MARCHF11: variants seen among roughly 807,000 people sequenced by gnomAD.
The protein encoded by MARCHF11 is membrane associated ring-CH-type finger 11.
In MARCHF11, 29 loss-of-function variants were observed where a neutral mutation model predicts 37.3. That is an observed-to-expected ratio of 0.78 (90% confidence interval 0.58 to 1.06). MARCHF11 has a LOEUF of 1.06. MARCHF11 is among the 50% of genes least tolerant of loss of function. MARCHF11 has a pLI of 0.00. For synonymous variants in MARCHF11, 233 were observed against 228.0 expected (o/e 1.02, Z -0.20); for missense variants, 482 against 533.4 (o/e 0.90, Z 0.95).
chr5:16,074,423 C>T (rs1736482120), intron 3 of MARCHF11, among the ~76,000 whole-genome samples: 1 of 152,068 alleles, frequency 6.6e-6, no homozygotes, highest in Non-Finnish European at 1.5e-5. Context: ...CTAAATGAAA[C>T]TGAAACAAAA....
At chr5:16,171,249 TC>T (rs1738258006) in intron 2 of MARCHF11, among the ~76,000 whole-genome samples, 2 of 113,220 alleles carry the variant, frequency 1.8e-5, no homozygotes, top group African/African-American at 3.3e-5. Context: ...ATGCTATCCC[TC>T]CCCCCTCCCC....
chr5:16,147,201 G>A (rs1737813261), intron 2 of MARCHF11, among the ~76,000 whole-genome samples: 1 of 152,126 alleles, frequency 6.6e-6, no homozygotes, highest in Admixed American at 6.6e-5. Flanking sequence ...AACACCTTGA[G>A]AATCAGTGCT....
intron 3 of MARCHF11, among the ~76,000 whole-genome samples, chr5:16,076,169 G>A (rs1441618336): frequency 6.6e-6 from 1 of 152,148 alleles, no homozygotes; most frequent in Admixed American, 6.5e-5. Flanking sequence ...CTTGTAGATG[G>A]GAGTATCTCC....
intron 2 of MARCHF11, among the ~76,000 whole-genome samples, chr5:16,125,073 C>T (rs182173377): frequency 6.6e-6 from 1 of 151,512 alleles, no homozygotes; most frequent in Non-Finnish European, 1.5e-5. Flanking sequence ...TCTGAGGTTT[C>T]TTCGCAAGAA....
At chr5:16,116,138 G>C (rs1251365621) in intron 2 of MARCHF11, among the ~76,000 whole-genome samples, 1 of 152,052 alleles carries the variant, frequency 6.6e-6, no homozygotes, top group African/African-American at 2.4e-5. Flanking sequence ...TGCTCTTTTT[G>C]TTTACCAAAT....
intron 2 of MARCHF11, among the ~76,000 whole-genome samples, chr5:16,169,101 A>C (rs913602910): frequency 1.3e-5 from 2 of 152,110 alleles, no homozygotes; most frequent in African/African-American, 4.8e-5. Context: ...AAGCCCGTGT[A>C]AGTGTTCTGA....
chr5:16,093,178 A>G (rs1193971541), intron 2 of MARCHF11, among the ~76,000 whole-genome samples: 1 of 152,196 alleles, frequency 6.6e-6, no homozygotes, highest in African/African-American at 2.4e-5. Context: ...GGTGGGCCGC[A>G]TGTTCGAAAT....
At chr5:16,140,792 GAGAAA>G in intron 2 of MARCHF11, among the ~76,000 whole-genome samples, 1 of 152,258 alleles carries the variant, frequency 6.6e-6, no homozygotes, top group South Asian at 2.1e-4. Context: ...AGTACAAGGA[GAGAAA>G]TATTTTCTCC....
intron 3 of MARCHF11, among the ~76,000 whole-genome samples, chr5:16,074,465 C>A (rs1736483431): frequency 6.6e-6 from 1 of 152,204 alleles, no homozygotes; most frequent in African/African-American, 2.4e-5. Context: ...AAAAGCAGGT[C>A]CTTTGAAAAG....
At chr5:16,100,512 A>G (rs1247790115) in intron 2 of MARCHF11, among the ~76,000 whole-genome samples, 2 of 152,208 alleles carry the variant, frequency 1.3e-5, no homozygotes, top group African/African-American at 4.8e-5. Context: ...CGACCAGTAG[A>G]GCCCAGTGAT....
chr5:16,134,219 A>G (rs998300068), intron 2 of MARCHF11, among the ~76,000 whole-genome samples: 2 of 152,174 alleles, frequency 1.3e-5, no homozygotes, highest in Non-Finnish European at 2.9e-5. Context: ...ATCTCCTATT[A>G]TATATTGCTG....
chr5:16,166,858 G>A (rs1323770363), intron 2 of MARCHF11, among the ~76,000 whole-genome samples: 2 of 151,144 alleles, frequency 1.3e-5, no homozygotes, highest in Non-Finnish European at 2.9e-5. Context: ...CAGTATATTT[G>A]TCAGGTTTCA....
chr5:16,137,740 T>G (rs1737631076), intron 2 of MARCHF11, among the ~76,000 whole-genome samples: 1 of 152,136 alleles, frequency 6.6e-6, no homozygotes, highest in African/African-American at 2.4e-5. Context: ...CAGAGGGAGA[T>G]GAGGAACTTA....
chr5:16,132,609 A>G (rs1269999759), intron 2 of MARCHF11, among the ~76,000 whole-genome samples: 1 of 152,228 alleles, frequency 6.6e-6, no homozygotes, highest in African/African-American at 2.4e-5. Flanking sequence ...GATGATTTAC[A>G]TACAAAGTGC....
At chr5:16,142,210 T>C (rs901217615) in intron 2 of MARCHF11, among the ~76,000 whole-genome samples, 3 of 152,198 alleles carry the variant, frequency 2.0e-5, no homozygotes, top group Non-Finnish European at 4.4e-5. Flanking sequence ...AAGGTTGCAC[T>C]TATCATGTTT....
intron 2 of MARCHF11, among the ~76,000 whole-genome samples, chr5:16,148,268 C>A (rs1213695805): frequency 6.6e-6 from 1 of 151,994 alleles, no homozygotes; most frequent in African/African-American, 2.4e-5. Flanking sequence ...AAAAAAAGTA[C>A]CTATAATGTG....
At chr5:16,078,551 A>G (rs1488214721) in intron 3 of MARCHF11, among the ~76,000 whole-genome samples, 3 of 152,156 alleles carry the variant, frequency 2.0e-5, no homozygotes, top group Admixed American at 1.3e-4. Flanking sequence ...AGTGTTCTGC[A>G]TGGAAGCATC....
chr5:16,150,830 A>G (rs569001633), intron 2 of MARCHF11, among the ~76,000 whole-genome samples: 1 of 152,146 alleles, frequency 6.6e-6, no homozygotes, highest in African/African-American at 2.4e-5. Flanking sequence ...TGAGTCCATA[A>G]CTTATATTAA....
chr5:16,143,474 G>A (rs1424835297), intron 2 of MARCHF11, among the ~76,000 whole-genome samples: 1 of 152,192 alleles, frequency 6.6e-6, no homozygotes, highest in African/African-American at 2.4e-5. Context: ...CCAGGCCACT[G>A]GATGTCGATA....
Sources: gnomAD v4.1 joint callset for allele counts (sites outside exome capture counted in the v4.1 genomes callset) on GRCh38, gnomAD v4.1.1 for gene constraint, MANE v1.5 for transcripts, NCBI Gene and HGNC (gene_info 2026-07-23, HGNC 2026-07-21) for gene names.